The following KIF24 variants were observed in gnomAD, a reference collection of about 807,000 sequenced individuals.
The protein encoded by KIF24 is kinesin family member 24.
KIF24 carries 81 observed loss-of-function variants against 118.9 expected under a neutral mutation model. The ratio of observed to expected loss-of-function variants is 0.68; its 90% CI spans 0.57 to 0.82. The LOEUF is 0.82. Ranked by LOEUF, KIF24 falls within the 40% of genes least tolerant of loss-of-function variation. The pLI is 0.00. For missense variants in KIF24, 1,560 were observed against 1,661.6 expected, an observed-to-expected ratio of 0.94 and a Z score of 1.06; for synonymous variants, 599 against 610.0, an observed-to-expected ratio of 0.98 and a Z score of 0.27.
At chr9:34,287,850 T>A (rs1347319741) in intron 5 of KIF24, among the ~76,000 whole-genome samples, 2 of 151,102 alleles carry the variant, frequency 1.3e-5, no homozygotes, top group Admixed American at 1.3e-4. Context: ...ACGCTATGAT[T>A]GCGCCTGTGA....
intron 4 of KIF24, among the ~76,000 whole-genome samples, chr9:34,295,194 T>TAGACAGACAGACAGACAGACAGACAGAC (rs111912796): frequency 6.7e-6 from 1 of 149,578 alleles, no homozygotes; most frequent in East Asian, 2.0e-4. Flanking sequence ...GATGGATGGA[T>TAGACAGACAGACAGACAGACAGACAGAC]AGACAGACAG....
At chr9:34,271,365 C>A (rs139753101) in intron 7 of KIF24, among the ~76,000 whole-genome samples, 1 of 150,026 alleles carries the variant, frequency 6.7e-6, no homozygotes, top group Non-Finnish European at 1.5e-5. Flanking sequence ...GAAAAACATT[C>A]ATTACTCAGA....
At chr9:34,324,598 C>T (rs1430612306) in intron 1 of KIF24, among the ~76,000 whole-genome samples, 1 of 152,202 alleles carries the variant, frequency 6.6e-6, no homozygotes. Flanking sequence ...GACTGTAGAG[C>T]CAGATCACTC....
At chr9:34,263,418 T>C (rs1228844369) in intron 8 of KIF24, among the ~76,000 whole-genome samples, 3 of 152,148 alleles carry the variant, frequency 2.0e-5, no homozygotes, top group Admixed American at 2.0e-4. Context: ...GGACTGCCCC[T>C]GAGTTGACGG....
intron 1 of KIF24, among the ~76,000 whole-genome samples, chr9:34,316,358 T>C (rs1269225774): frequency 3.3e-5 from 5 of 151,908 alleles, no homozygotes; most frequent in African/African-American, 1.2e-4. Context: ...AAAAGTTCCA[T>C]TATGTCTACT....
chr9:34,278,081 C>CT lies in KIF24; in HGVS notation c.1216-6152dup, dbSNP rs572606915. ...CTGAGGTCAGGAGTTTGACACCAGC[C>CT]TTGCCAACATGGTGAAACCCCATCT... is the stretch of plus-strand genomic sequence containing the variant. On this transcript the variant is annotated intron_variant, in intron 6 of 12. Transcript: ENST00000402558. 5.1e-4 allele frequency among the ~76,000 whole-genome samples: 77 copies of CT among 152,216 alleles called. 1 individual carries two copies. In the South Asian group the frequency reaches 0.016, roughly 31 times the overall value.
Position 34,318,994 on chromosome 9 carries a change from C to CG in KIF24, c.-25-7624dup. 8.1e-7 allele frequency: 1 copy of CG among 1,237,490 alleles called. No individual in the cohort carries two copies. The highest frequency in any genetic ancestry group is 1.2e-5 in the South Asian group (1 of 83,138). The allele number at this position is 1,237,490 out of a possible 1,614,324, so 76.7% of individuals were successfully genotyped here. ...CCAAGGACATGGAGTGCATGGATGG[C>CG]GCCCTGCTTGTCAACACCATGTTCT... is the stretch of plus-strand genomic sequence containing the variant. On this transcript the variant is annotated intron_variant, in intron 1 of 12. Transcript: ENST00000402558. The surrounding 1 kb of genome is among the most constrained non-coding windows in gnomAD (Gnocchi z 4.9).
In KIF24 at chr9:34,253,381, TAA is replaced by T. The variant is rs966355916; in HGVS notation, c.*997_*998del. 6.6e-6 allele frequency: 1 copy of T among 152,264 alleles called. No individual in the cohort carries two copies. Among genetic ancestry groups the T allele is most frequent in the African/African-American group, 2.4e-5 (1 of 41,472 alleles). 9.4% of individuals were successfully genotyped at this position (152,264 alleles called of 1,614,324 possible). ...TTCCCTGTCCTGAGCTGCTTCCTGC[TAA>T]AAAGATACACAGCAGGCAGAACTTG... On this transcript the variant is annotated 3_prime_UTR_variant, in exon 13 of 13. Coordinates refer to ENST00000402558, the MANE Select transcript of KIF24 (RefSeq NM_194313.4).
chr9:34,302,919 G>T (rs1836778661), intron 3 of KIF24, among the ~76,000 whole-genome samples: 1 of 151,924 alleles, frequency 6.6e-6, no homozygotes, highest in Non-Finnish European at 1.5e-5. Context: ...GGGACTACAG[G>T]TGACTGCCAA....
chr9:34,278,786 C>T (rs971452468), intron 6 of KIF24, among the ~76,000 whole-genome samples: 3 of 152,082 alleles, frequency 2.0e-5, no homozygotes, highest in Non-Finnish European at 2.9e-5. Flanking sequence ...GAACATATTA[C>T]GTGAATAGTA....
chr9:34,286,589 G>C (rs972611220), intron 6 of KIF24, 28 bp downstream of exon 6: 6 of 1,455,740 alleles, frequency 4.1e-6, no homozygotes, highest in South Asian at 3.4e-5. Context: ...TGTTGTGGTG[G>C]GGTAATAAAG....
At chr9:34,325,421 G>A (rs572429944) in intron 1 of KIF24, among the ~76,000 whole-genome samples, 5 of 148,704 alleles carry the variant, frequency 3.4e-5, no homozygotes, top group Admixed American at 1.3e-4. Flanking sequence ...GGCCAGGCAC[G>A]GTGGCTCATG....
intron 7 of KIF24, 83 bp downstream of exon 7, chr9:34,271,726 G>A: frequency 6.2e-6 from 9 of 1,442,524 alleles, no homozygotes; most frequent in Non-Finnish European, 8.6e-6. Context: ...TGGTAGCAGG[G>A]TATCCTGTTG....
In KIF24 at chr9:34,285,539, C is replaced by A. The variant is rs1280595752; in HGVS notation, c.1215+1078G>T. ...CCTGTAATCCCAGCACTTTGGGAGGCCAAGGTGGGCGGATCATGAGGTCAG... is the reference window on the plus strand; with the variant it reads ...CCTGTAATCCCAGCACTTTGGGAGGACAAGGTGGGCGGATCATGAGGTCAG... On this transcript the variant is annotated intron_variant, in intron 6 of 12. Transcript: ENST00000402558. Among the ~76,000 whole-genome samples, 13 of 151,736 alleles carry A rather than the reference C, an allele frequency of 8.6e-5. 1 individual carries two copies. Among genetic ancestry groups the A allele is most frequent in the Non-Finnish European group, 1.6e-4 (11 of 67,922 alleles).
intron 12 of KIF24, 64 bp downstream of exon 12, chr9:34,255,008 G>T: frequency 1.8e-6 from 2 of 1,107,730 alleles, no homozygotes; most frequent in South Asian, 1.4e-5. Context: ...AAACAAGGAT[G>T]ACCATCAAAT....
intron 3 of KIF24, among the ~76,000 whole-genome samples, chr9:34,300,850 C>CAAAAAAAAAAAAA (rs57919845): frequency 5.7e-5 from 6 of 105,632 alleles, no homozygotes; most frequent in African/African-American, 1.2e-4. Flanking sequence ...CGGCATTTCT[C>CAAAAAAAAAAAAA]AAAAAAAAAA....
rs541467730 is a variant in KIF24 at position 34,262,774 on chromosome 9, T to C, written c.1515+327A>G. On this transcript the variant is annotated intron_variant, in intron 9 of 12. Transcript: ENST00000402558. ...TACCTGGGAGGCTGAGGTGGGAGGATTGCTTGAGCCTGGGAGGCAGAGGCC... is the reference window on the plus strand; with the variant it reads ...TACCTGGGAGGCTGAGGTGGGAGGACTGCTTGAGCCTGGGAGGCAGAGGCC... 1.6e-4 allele frequency among the ~76,000 whole-genome samples: 23 copies of C among 139,718 alleles called. No homozygotes were observed. In the South Asian group the frequency reaches 5.4e-3, roughly 33 times the overall value. 91.7% of individuals were successfully genotyped at this position (139,718 alleles called of 152,430 possible).
At chr9:34,275,961 G>C (rs1835645581) in intron 6 of KIF24, among the ~76,000 whole-genome samples, 3 of 152,172 alleles carry the variant, frequency 2.0e-5, no homozygotes, top group Non-Finnish European at 2.9e-5. Flanking sequence ...TCCAGTTGAG[G>C]AACAAACTCA....
intron 1 of KIF24, among the ~76,000 whole-genome samples, chr9:34,314,820 A>T (rs1837283188): frequency 6.6e-6 from 1 of 152,260 alleles, no homozygotes; most frequent in Admixed American, 6.5e-5. Context: ...TTAATGAAAT[A>T]ATGCTATGAG....
Sources: allele counts gnomAD v4.1 joint callset (sites outside exome capture counted in the v4.1 genomes callset), GRCh38; gene constraint gnomAD v4.1.1; non-coding constraint Gnocchi (gnomAD v3.1); transcripts MANE v1.5; gene names NCBI Gene and HGNC (gene_info 2026-07-23, HGNC 2026-07-21).